The following ARL15 variants were observed in gnomAD, a reference collection of about 807,000 sequenced individuals.
The protein encoded by ARL15 is ADP-ribosylation factor-like protein 15.
In ARL15, 19 loss-of-function variants were observed where a neutral mutation model predicts 25.2. The observed-to-expected ratio is 0.75, with a 90% CI of 0.53 to 1.10. The LOEUF (loss-of-function observed/expected upper bound fraction) is 1.10, where lower values mean the gene tolerates loss of function less well. ARL15 is among the 50% of genes least tolerant of loss of function. The pLI is 0.00. For synonymous variants in ARL15, 94 were observed against 86.8 expected (o/e 1.08, Z -0.46); for missense variants, 220 against 246.0 (o/e 0.89, Z 0.71).
intron 1 of ARL15, among the ~76,000 whole-genome samples, chr5:54,239,939 C>T (rs367822693): frequency 6.6e-6 from 1 of 152,126 alleles, no homozygotes; most frequent in South Asian, 2.1e-4. Context: ...AATTCTAACA[C>T]ATCATCGGCC....
intron 4 of ARL15, among the ~76,000 whole-genome samples, chr5:53,970,883 A>G (rs1026361024): frequency 6.6e-6 from 1 of 152,260 alleles, no homozygotes; most frequent in African/African-American, 2.4e-5. Context: ...GCCAAGAGAC[A>G]TTTAAAATAG....
chr5:53,949,156 A>G (rs944655042), intron 4 of ARL15, among the ~76,000 whole-genome samples: 2 of 152,214 alleles, frequency 1.3e-5, no homozygotes, highest in Non-Finnish European at 2.9e-5. Context: ...CAAGACTCAC[A>G]AGACAATACA....
At chr5:53,922,469 A>G (rs1745886147) in intron 4 of ARL15, among the ~76,000 whole-genome samples, 1 of 152,186 alleles carries the variant, frequency 6.6e-6, no homozygotes, top group Non-Finnish European at 1.5e-5. Flanking sequence ...CTTTCTGTGT[A>G]GATAATGTTT....
chr5:54,091,724 G>A (rs114548886), intron 4 of ARL15, among the ~76,000 whole-genome samples: 159 of 152,088 alleles, frequency 1.0e-3, no homozygotes, highest in African/African-American at 3.7e-3. Flanking sequence ...GACCTTTGGA[G>A]CATTTCTTTA....
Position 53,976,812 on chromosome 5 carries a change from C to T in ARL15, c.463-90099G>A, listed in dbSNP as rs1002897125. Among the ~76,000 whole-genome samples the T allele has an allele frequency of 9.9e-5, 15 of 152,054 alleles. No individual in the cohort carries two copies. In the East Asian group the frequency reaches 2.9e-3, roughly 30 times the overall value. ...TAGGGAGCTGGCAGTATGTGAGTAT[C>T]GCTTAGTCCTGAAGAAGACGGGCAG... On this transcript the variant is annotated intron_variant, in intron 4 of 4. Coordinates refer to ENST00000504924, the MANE Select transcript of ARL15 (RefSeq NM_019087.3).
intron 1 of ARL15, among the ~76,000 whole-genome samples, chr5:54,268,864 A>T (rs1757700839): frequency 6.6e-6 from 1 of 152,242 alleles, no homozygotes; most frequent in African/African-American, 2.4e-5. Context: ...AATGTGGCAC[A>T]TATATACCAT....
chr5:54,039,912 C>T (rs760616573), intron 4 of ARL15, among the ~76,000 whole-genome samples: 1 of 151,024 alleles, frequency 6.6e-6, no homozygotes, highest in East Asian at 1.9e-4. Flanking sequence ...TTTTTCTGGT[C>T]CACTGGAGAA....
At chr5:54,000,358 T>A (rs6871885) in intron 4 of ARL15, among the ~76,000 whole-genome samples, 4,132 of 152,258 alleles carry the variant, frequency 0.027, 194 homozygotes, top group African/African-American at 0.096. Flanking sequence ...TAAATGGACA[T>A]CACGTCTGCC....
chr5:54,189,024 TA>T (rs532310329), intron 1 of ARL15, among the ~76,000 whole-genome samples: 122 of 152,258 alleles, frequency 8.0e-4, no homozygotes, highest in Middle Eastern at 3.4e-3. Flanking sequence ...TGTACACTAA[TA>T]ATTAACAACC....
chr5:54,138,728 T>C (rs1243192320), intron 3 of ARL15, among the ~76,000 whole-genome samples: 1 of 151,288 alleles, frequency 6.6e-6, no homozygotes, highest in Admixed American at 6.6e-5. Context: ...ATCATCAGAG[T>C]AAACAGCCCA....
intron 4 of ARL15, among the ~76,000 whole-genome samples, chr5:54,104,115 G>A (rs1457843536): frequency 6.6e-6 from 1 of 152,108 alleles, no homozygotes; most frequent in Non-Finnish European, 1.5e-5. Flanking sequence ...TTCTTTTGAA[G>A]CAATATTGCT....
intron 4 of ARL15, among the ~76,000 whole-genome samples, chr5:53,994,470 G>GT (rs1748605308): frequency 6.6e-6 from 1 of 152,086 alleles, no homozygotes; most frequent in Admixed American, 6.5e-5. Context: ...TTACTTTTTT[G>GT]TTTTTTAACA....
intron 3 of ARL15, among the ~76,000 whole-genome samples, chr5:54,134,385 C>A (rs886409259): frequency 2.0e-5 from 3 of 151,984 alleles, no homozygotes; most frequent in African/African-American, 7.2e-5. Context: ...CTGACTTACC[C>A]CCAAATTCGT....
At chr5:54,154,724 G>A (rs964820674) in intron 2 of ARL15, 85 bp from the exon 3 acceptor site, 1 of 777,808 alleles carries the variant, frequency 1.3e-6, no homozygotes. Context: ...TCTCTTTTTA[G>A]GCTGGTTAAG....
chr5:54,100,004 C>CG (rs1439462030), intron 4 of ARL15, among the ~76,000 whole-genome samples: 2 of 152,000 alleles, frequency 1.3e-5, no homozygotes, highest in African/African-American at 4.8e-5. Context: ...CTGTGACCCC[C>CG]CCGTAACTGC....
At chr5:54,122,060 A>T (rs535261944) in intron 3 of ARL15, among the ~76,000 whole-genome samples, 5 of 152,356 alleles carry the variant, frequency 3.3e-5, no homozygotes, top group African/African-American at 1.2e-4. Flanking sequence ...AGAGGCAAAG[A>T]ATAGATTTTC....
chr5:54,060,548 T>C (rs1421091635), intron 4 of ARL15, among the ~76,000 whole-genome samples: 4 of 152,220 alleles, frequency 2.6e-5, no homozygotes, highest in African/African-American at 4.8e-5. Flanking sequence ...TGCTCCCCCT[T>C]GCCTTCCACC....
At chr5:53,934,209 G>A (rs1440932103) in intron 4 of ARL15, among the ~76,000 whole-genome samples, 1 of 152,086 alleles carries the variant, frequency 6.6e-6, no homozygotes, top group Non-Finnish European at 1.5e-5. Flanking sequence ...AGAATATAAT[G>A]AGATAAACTG....
chr5:54,035,800 G>A (rs527661609), intron 4 of ARL15, among the ~76,000 whole-genome samples: 3 of 152,182 alleles, frequency 2.0e-5, no homozygotes, highest in African/African-American at 7.2e-5. Flanking sequence ...AATAGAAATT[G>A]ACTATTTTTT....
Sources: gnomAD v4.1 joint callset for allele counts (sites outside exome capture counted in the v4.1 genomes callset) on GRCh38, gnomAD v4.1.1 for gene constraint, MANE v1.5 for transcripts, NCBI Gene and HGNC (gene_info 2026-07-23, HGNC 2026-07-21) for gene names.